The following MYO3B variants were observed in gnomAD, a reference collection of about 807,000 sequenced individuals.
MYO3B encodes myosin IIIB.
MYO3B carries 156 observed loss-of-function variants against 174.6 expected under a neutral mutation model. The observed-to-expected ratio is 0.89, with a 90% CI of 0.78 to 1.02. MYO3B has a LOEUF of 1.02. Ranked by LOEUF, MYO3B falls within the 50% of genes least tolerant of loss-of-function variation. MYO3B has a pLI of 0.00. For synonymous variants in MYO3B, 563 were observed against 569.1 expected (o/e 0.99, Z 0.15); for missense variants, 1,632 against 1,639.4 (o/e 1.00, Z 0.08).
intron 19 of MYO3B, among the ~76,000 whole-genome samples, chr2:170,403,405 A>C (rs2094490890): frequency 6.6e-6 from 1 of 152,176 alleles, no homozygotes; most frequent in Non-Finnish European, 1.5e-5. Context: ...CAGATCCCAC[A>C]GTCACTGGAG....
intron 22 of MYO3B, among the ~76,000 whole-genome samples, chr2:170,415,493 T>C (rs571192671): frequency 3.9e-5 from 6 of 152,204 alleles, no homozygotes; most frequent in Non-Finnish European, 8.8e-5. Context: ...TCCAAGAAGG[T>C]AGGGAATTTT....
At chr2:170,623,623 G>T (rs1473575331) in intron 32 of MYO3B, among the ~76,000 whole-genome samples, 1 of 152,104 alleles carries the variant, frequency 6.6e-6, no homozygotes, top group Non-Finnish European at 1.5e-5. Flanking sequence ...ATTGCTTTTG[G>T]TGTTTTAGAC....
At chr2:170,329,555 A>ATT (rs752223902) in intron 7 of MYO3B, among the ~76,000 whole-genome samples, 80 of 114,566 alleles carry the variant, frequency 7.0e-4, no homozygotes, top group African/African-American at 2.4e-3. Context: ...TGATTTTTGT[A>ATT]TTTTTTTTTT....
intron 22 of MYO3B, among the ~76,000 whole-genome samples, chr2:170,413,811 G>A (rs1342979380): frequency 2.6e-5 from 4 of 151,970 alleles, no homozygotes; most frequent in African/African-American, 7.2e-5. Context: ...AGGCCGAGGC[G>A]GGTGGATCAC....
chr2:170,383,032 G>A lies in MYO3B; in HGVS notation c.1069-41G>A, dbSNP rs2094346893. On this transcript the variant is annotated intron_variant, in intron 10 of 34. Transcript: ENST00000408978. ...CATTTTTAGAATCTATCCCTTGACT[G>A]GGAATAATATTTACCTCAATACCAT... 6.4e-6 allele frequency: 8 copies of A among 1,247,676 alleles called. No homozygotes were observed. In the East Asian group the frequency reaches 1.4e-4, roughly 22 times the overall value. 77.3% of individuals were successfully genotyped at this position (1,247,676 alleles called of 1,614,324 possible). A position where few individuals can be genotyped will look rare whatever the true frequency, so the allele number is the denominator to read the frequency against.
At position 170,383,177 on chromosome 2, in the gene MYO3B, A is replaced by G; in HGVS notation, c.1173A>G (p.Ile391Met). 1 of 1,595,944 alleles carries G rather than the reference A, an allele frequency of 6.3e-7. No homozygotes were observed. The highest frequency in any genetic ancestry group is 8.6e-7 in the Non-Finnish European group (1 of 1,163,686). The stretch of plus-strand genomic sequence containing the variant: ...TAAACCCCTTCCAGAATCTAAGCAT[A>G]TACTCTCCACAGGTAAGGGATGTTT... Reference protein sequence around the residue: ...IALNPFQNLSIYSPQFSRLYH... With the variant: ...IALNPFQNLSMYSPQFSRLYH... The change falls in exon 11 of 35, where the codon ATA (isoleucine) becomes ATG (methionine). Residue 391 changes from isoleucine to methionine, a missense_variant. By Grantham distance (10) the Ile-to-Met change is conservative. Transcript: ENST00000408978.
chr2:170,281,974 G>A (rs1475739800), intron 7 of MYO3B, among the ~76,000 whole-genome samples: 1 of 152,066 alleles, frequency 6.6e-6, no homozygotes, highest in Non-Finnish European at 1.5e-5. Flanking sequence ...TTTTGTTGTT[G>A]TTTGAGTTCC....
At chr2:170,600,924 A>G (rs1440202334) in intron 32 of MYO3B, among the ~76,000 whole-genome samples, 1 of 152,218 alleles carries the variant, frequency 6.6e-6, no homozygotes, top group Non-Finnish European at 1.5e-5. Context: ...TGTAAATATA[A>G]GTGGGCTATG....
chr2:170,537,068 G>T (rs1049691620), intron 30 of MYO3B, among the ~76,000 whole-genome samples: 2 of 151,956 alleles, frequency 1.3e-5, no homozygotes, highest in Non-Finnish European at 2.9e-5. Flanking sequence ...GGGCGTGGTG[G>T]TGGGCGCTTG....
intron 32 of MYO3B, among the ~76,000 whole-genome samples, chr2:170,592,764 C>T (rs1693894910): frequency 6.6e-6 from 1 of 152,146 alleles, no homozygotes. Flanking sequence ...ATATTTCTGA[C>T]TGTTGGAATA....
At chr2:170,618,906 G>A (rs977742188) in intron 32 of MYO3B, among the ~76,000 whole-genome samples, 28 of 152,254 alleles carry the variant, frequency 1.8e-4, no homozygotes, top group East Asian at 7.7e-4. Flanking sequence ...TAGTGTGTGC[G>A]TCAGTAATTT....
intron 7 of MYO3B, among the ~76,000 whole-genome samples, chr2:170,305,684 T>C (rs1421769654): frequency 6.6e-6 from 1 of 152,170 alleles, no homozygotes; most frequent in African/African-American, 2.4e-5. Flanking sequence ...TATTGCTGCA[T>C]GATAGACTAC....
chr2:170,461,515 T>G (rs1197407729), intron 23 of MYO3B, among the ~76,000 whole-genome samples: 7 of 129,268 alleles, frequency 5.4e-5, no homozygotes, highest in Middle Eastern at 6.0e-3. Flanking sequence ...GTGGCTCAAG[T>G]CTGTAATCCT....
In MYO3B at chr2:170,308,059, G is replaced by T. The variant is rs370646094; in HGVS notation, c.750-27326G>T. 4.6e-5 allele frequency among the ~76,000 whole-genome samples: 7 copies of T among 152,304 alleles called. 1 individual carries two copies. Among genetic ancestry groups the T allele is most frequent in the Admixed American group, 1.3e-4 (2 of 15,298 alleles). ...ATTCTTGTGTCCCCACATCTAGCCT[G>T]CTCTGGCTCATAGTAAATACTCAAT... On this transcript the variant is annotated intron_variant, in intron 7 of 34. Transcript: ENST00000408978.
intron 32 of MYO3B, among the ~76,000 whole-genome samples, chr2:170,597,722 C>A (rs544587873): frequency 6.6e-6 from 1 of 152,218 alleles, no homozygotes; most frequent in South Asian, 2.1e-4. Context: ...ATCCTCAAGG[C>A]GAATGAATCT....
Position 170,543,927 on chromosome 2 carries a change from G to T in MYO3B, c.3672G>T (p.Arg1224=), listed in dbSNP as rs367633072. 1.5e-5 allele frequency: 24 copies of T among 1,613,158 alleles called. No individual in the cohort carries two copies. Among genetic ancestry groups the T allele is most frequent in the Non-Finnish European group, 2.0e-5 (23 of 1,179,394 alleles). Residue 1224 remains arginine (R), a synonymous_variant, in exon 32 of 35, where the codon CGG becomes CGT. Coordinates refer to ENST00000408978, the MANE Select transcript of MYO3B (RefSeq NM_138995.5). ...SVSGTDLLSS[R]ICHPAPDQQG... ...CTGGGACTGATTTGCTGTCTTCTCG[G>T]ATATGCCATCCTGCTCCAGATCAGC...
intron 8 of MYO3B, among the ~76,000 whole-genome samples, chr2:170,354,460 G>C (rs754245311): frequency 2.6e-5 from 4 of 152,166 alleles, no homozygotes; most frequent in Non-Finnish European, 4.4e-5. Flanking sequence ...TCAAGCTCAG[G>C]ACACACCATA....
intron 32 of MYO3B, among the ~76,000 whole-genome samples, chr2:170,649,290 T>TATATATAAAATA: frequency 1.2e-5 from 1 of 81,500 alleles, no homozygotes; most frequent in Admixed American, 2.3e-4. Context: ...TAATATATAT[T>TATATATAAAATA]ATATATAAAA....
At chr2:170,421,466 G>A (rs989550406) in intron 22 of MYO3B, among the ~76,000 whole-genome samples, 13 of 152,180 alleles carry the variant, frequency 8.5e-5, no homozygotes, top group East Asian at 1.9e-4. Flanking sequence ...CGAGAACCAC[G>A]TACTCCCTTC....
Sources: gnomAD v4.1 joint callset for allele counts (sites outside exome capture counted in the v4.1 genomes callset) on GRCh38, gnomAD v4.1.1 for gene constraint, MANE v1.5 for transcripts, NCBI Gene and HGNC (gene_info 2026-07-23, HGNC 2026-07-21) for gene names.